The following CACNA2D4 variants were observed in gnomAD, a reference collection of about 807,000 sequenced individuals.
The protein encoded by CACNA2D4 is calcium voltage-gated channel auxiliary subunit alpha2delta 4.
A neutral mutation model predicts 163.8 loss-of-function variants in CACNA2D4; 157 were observed. The ratio of observed to expected loss-of-function variants is 0.96; its 90% CI spans 0.84 to 1.09. The LOEUF is 1.09. Ranked by LOEUF, CACNA2D4 falls within the 50% of genes least tolerant of loss-of-function variation. CACNA2D4 has a pLI of 0.00. For synonymous variants in CACNA2D4, 598 were observed against 586.9 expected, an observed-to-expected ratio of 1.02 and a Z score of -0.27; for missense variants, 1,410 against 1,479.9, an observed-to-expected ratio of 0.95 and a Z score of 0.78.
rs1864457571 is a variant in CACNA2D4, at chr12:1,828,405, T to C, written c.2551+12334A>G. 6.6e-6 allele frequency among the ~76,000 whole-genome samples: 1 copy of C among 152,212 alleles called. No individual in the cohort carries two copies. The highest frequency in any genetic ancestry group is 1.5e-5 in the Non-Finnish European group (1 of 68,034). On this transcript the variant is annotated intron_variant, in intron 26 of 37. Transcript: ENST00000382722. The surrounding 1 kb of genome is among the most constrained non-coding windows in gnomAD (Gnocchi z 4.2). Reference sequence around the variant, plus strand: ...CCCACGGTGACAGCATCCCTGCCAGTCAGAGTCACCGCTGAGTGCTGAGTG... The same window carrying C: ...CCCACGGTGACAGCATCCCTGCCAGCCAGAGTCACCGCTGAGTGCTGAGTG...
intron 4 of CACNA2D4, among the ~76,000 whole-genome samples, chr12:1,909,190 GTTTATTTA>G (rs1198117947): frequency 2.1e-5 from 3 of 144,058 alleles, no homozygotes; most frequent in Admixed American, 2.0e-4. Context: ...TTATTTATTT[GTTTATTTA>G]TTTATTTATT....
chr12:1,801,214 A>C (rs1565671235), intron 30 of CACNA2D4, 96 bp from the exon 31 acceptor site: 6 of 995,670 alleles, frequency 6.0e-6, no homozygotes, highest in Non-Finnish European at 8.0e-6. Context: ...CGTTTACCGC[A>C]ATTCCCAAGG....
At chr12:1,881,326 C>T (rs1043290426) in intron 13 of CACNA2D4, among the ~76,000 whole-genome samples, 1 of 152,262 alleles carries the variant, frequency 6.6e-6, no homozygotes, top group South Asian at 2.1e-4. Context: ...TCAGTTGCAG[C>T]ACACAGGGAA....
At chr12:1,886,619 T>C (rs1378168547) in intron 7 of CACNA2D4, among the ~76,000 whole-genome samples, 1 of 152,104 alleles carries the variant, frequency 6.6e-6, no homozygotes, top group Non-Finnish European at 1.5e-5. Flanking sequence ...GTAACGCTTG[T>C]TCCTTTTGAT....
chr12:1,883,019 C>T lies in CACNA2D4; in HGVS notation c.1352-19G>A, dbSNP rs201031160. The T allele has an allele frequency of 2.4e-4, 380 of 1,608,034 alleles. 3 individuals are homozygous for T. Among genetic ancestry groups the T allele is most frequent in the African/African-American group, 1.9e-3 (139 of 74,962 alleles). ...TAGTAGCCTGCGGTGGGGAAGGCCG[C>T]GTGGGTGTGGAAGGCAGGGCTTCCC... On this transcript the variant is annotated intron_variant, in intron 12 of 37. Transcript: ENST00000382722. The surrounding 1 kb of genome is among the most constrained non-coding windows in gnomAD (Gnocchi z 4.5).
At chr12:1,887,713 A>T (rs562157193) in intron 6 of CACNA2D4, among the ~76,000 whole-genome samples, 4 of 152,340 alleles carry the variant, frequency 2.6e-5, no homozygotes, top group Admixed American at 2.6e-4. Flanking sequence ...ATTTGTATAG[A>T]TGCACAGAAA....
chr12:1,834,514 G>A lies in CACNA2D4; in HGVS notation c.2551+6225C>T, dbSNP rs1360181384. 5.0e-6 allele frequency: 8 copies of A among 1,606,300 alleles called. No individual in the cohort carries two copies. In the Admixed American group the frequency reaches 5.0e-5, roughly 10 times the overall value. ...CACAGAAGCAGAGGCACCGGCCGGC[G>A]AGCGTGAGGCGAGCCATGGGCACGG... On this transcript the variant is annotated intron_variant, in intron 26 of 37. Transcript: ENST00000382722. The surrounding 1 kb of genome is among the most constrained non-coding windows in gnomAD (Gnocchi z 7.6).
At chr12:1,810,207 G>A in intron 29 of CACNA2D4, 71 bp downstream of exon 29, 1 of 1,307,344 alleles carries the variant, frequency 7.6e-7, no homozygotes, top group Admixed American at 1.7e-5. Flanking sequence ...CTCTTTAGCT[G>A]GAGTGGCTGC....
Position 1,800,034 on chromosome 12 carries a change from A to T in CACNA2D4, c.2940T>A (p.Ser980Arg). 6.2e-7 allele frequency: 1 copy of T among 1,602,520 alleles called. No homozygotes were observed. The highest frequency in any genetic ancestry group is 8.5e-7 in the Non-Finnish European group (1 of 1,174,984). Residue 980 changes from serine to arginine, a missense_variant, in exon 33 of 38, where the codon AGT becomes AGA. Ser to Arg is a moderately radical substitution (Grantham distance 110, BLOSUM62 -1). Transcript: ENST00000382722. ...CTCTGTCGTACCAGGAGCCCCAGAC[A>T]CTCCACTCCAGCAGGAACCTGTCAG... ...QELVLFLLEW[S>R]VWGSWYDRGA...
intron 31 of CACNA2D4, 52 bp from the exon 32 acceptor site, chr12:1,800,490 GCC>G (rs111637110): frequency 8.7e-6 from 12 of 1,381,934 alleles, no homozygotes; most frequent in East Asian, 5.2e-5. Flanking sequence ...GGGTGAGGGT[GCC>G]CCCCCCCCAC....
At chr12:1,915,326 C>G in intron 1 of CACNA2D4, 1 of 696,422 alleles carries the variant, frequency 1.4e-6, no homozygotes. Context: ...GTTGTGGGGC[C>G]GGGCTGACGA....
At chr12:1,817,531 C>G (rs569075291) in intron 26 of CACNA2D4, among the ~76,000 whole-genome samples, 1 of 152,196 alleles carries the variant, frequency 6.6e-6, no homozygotes, top group Non-Finnish European at 1.5e-5. Context: ...CCTCTGATGC[C>G]GAGCCGAAGC....
chr12:1,818,212 C>T (rs1463829837), intron 26 of CACNA2D4, among the ~76,000 whole-genome samples: 17 of 151,362 alleles, frequency 1.1e-4, no homozygotes, highest in Non-Finnish European at 1.5e-4. Context: ...TCCGCCCGGC[C>T]GCCCCTACTG....
intron 37 of CACNA2D4, among the ~76,000 whole-genome samples, chr12:1,794,469 C>T (rs531868721): frequency 3.3e-5 from 5 of 152,158 alleles, no homozygotes; most frequent in Non-Finnish European, 2.9e-5. Context: ...TTACAGGGCT[C>T]GGTCCCACAA....
rs933810819 is a variant in CACNA2D4 at position 1,858,289 on chromosome 12, G to A, written c.2008+288C>T. Among the ~76,000 whole-genome samples the A allele has an allele frequency of 3.9e-5, 6 of 152,170 alleles. No individual in the cohort carries two copies. In the East Asian group the frequency reaches 9.6e-4, roughly 24 times the overall value. On this transcript the variant is annotated intron_variant, in intron 20 of 37. Transcript: ENST00000382722. ...TTGAGCTTTGTTTAAAAAACATACT[G>A]CCTTGACGGTCCTTCTAGTCCAGCA... is the stretch of plus-strand genomic sequence containing the variant.
Position 1,828,467 on chromosome 12 carries a change from A to G in CACNA2D4, c.2551+12272T>C, listed in dbSNP as rs969260060. On this transcript the variant is annotated intron_variant, in intron 26 of 37. Coordinates refer to ENST00000382722, the MANE Select transcript of CACNA2D4 (RefSeq NM_172364.5). The surrounding 1 kb of genome is among the most constrained non-coding windows in gnomAD (Gnocchi z 4.2). ...AGCTGGAGGCCACGACAGTTGTTCT[A>G]CCTCCCCCAGGTAAGTCTCTGTGAG... 1.3e-5 allele frequency among the ~76,000 whole-genome samples: 2 copies of G among 151,936 alleles called. No homozygotes were observed. The highest frequency in any genetic ancestry group is 3.2e-3 in the Middle Eastern group (1 of 316).
chr12:1,857,417 C>A (rs1865423827), intron 20 of CACNA2D4, among the ~76,000 whole-genome samples: 2 of 152,178 alleles, frequency 1.3e-5, no homozygotes, highest in Admixed American at 1.3e-4. Context: ...CTAGGAAGAT[C>A]CCTCTGGCTG....
intron 19 of CACNA2D4, among the ~76,000 whole-genome samples, chr12:1,859,931 A>G (rs538411061): frequency 3.7e-4 from 57 of 152,318 alleles, no homozygotes; most frequent in African/African-American, 1.3e-3. Context: ...CCAAGTTTAC[A>G]CAGCCTGTAA....
At chr12:1,910,422 T>A (rs1866784162) in intron 3 of CACNA2D4, among the ~76,000 whole-genome samples, 1 of 151,756 alleles carries the variant, frequency 6.6e-6, no homozygotes, top group Non-Finnish European at 1.5e-5. Context: ...TGGAGATTCA[T>A]TGATTATACC....
Sources: allele counts gnomAD v4.1 joint callset (sites outside exome capture counted in the v4.1 genomes callset), GRCh38; gene constraint gnomAD v4.1.1; non-coding constraint Gnocchi (gnomAD v3.1); transcripts MANE v1.5; gene names NCBI Gene and HGNC (gene_info 2026-07-23, HGNC 2026-07-21).